THOP1: variants seen among roughly 807,000 people sequenced by gnomAD.
THOP1 encodes thimet oligopeptidase.
THOP1 carries 49 observed loss-of-function variants against 71.8 expected under a neutral mutation model. That is an observed-to-expected ratio of 0.68 (90% CI 0.54 to 0.87). The LOEUF (loss-of-function observed/expected upper bound fraction) is 0.87, where lower values mean the gene tolerates loss of function less well. Among genes scored for constraint, THOP1 ranks in the 40% least tolerant of loss-of-function variants. THOP1 has a pLI of 0.00. For synonymous variants in THOP1, 426 were observed against 421.5 expected (o/e 1.01, Z -0.13); for missense variants, 843 against 975.6 (o/e 0.86, Z 1.81).
chr19:2,809,507 C>T (rs933889951), intron 9 of THOP1: 13 of 152,268 alleles, frequency 8.5e-5, no homozygotes, highest in African/African-American at 1.4e-4. Flanking sequence ...TCAGGGGCGC[C>T]GCAGTGCTGG....
At chr19:2,807,365 G>A (rs1200171208) in intron 7 of THOP1, 77 bp from the exon 8 acceptor site, 20 of 1,479,112 alleles carry the variant, frequency 1.4e-5, no homozygotes, top group Non-Finnish European at 1.5e-5. Context: ...TGACGAAGTC[G>A]CGGCCGCGGG....
rs1431181247 is a variant in THOP1, at chr19:2,790,472, A to T, written c.68A>T (p.Asp23Val). The T allele has an allele frequency of 6.2e-7, 1 of 1,602,180 alleles. No individual in the cohort carries two copies. Among genetic ancestry groups the T allele is most frequent in the Admixed American group, 1.7e-5 (1 of 57,976 alleles). Residue 23 changes from aspartate to valine, a missense_variant, in exon 2 of 13, where the codon GAC becomes GTC. Physicochemically the swap from Asp to Val is radical, Grantham distance 152. Transcript: ENST00000307741. ...GCATCTCCGTGCTCTGTGGTAAACG[A>T]CCTGCGGTGGGACCTGAGTGCCCAG... ...DAASPCSVVN[D>V]LRWDLSAQQI...
intron 11 of THOP1, 32 bp downstream of exon 11, chr19:2,810,800 A>G: frequency 6.3e-7 from 1 of 1,588,144 alleles, no homozygotes; most frequent in Non-Finnish European, 8.5e-7. Flanking sequence ...ACACCCTGGA[A>G]TTTGGAGCCT....
At chr19:2,803,281 C>T (rs1040214731) in intron 5 of THOP1, among the ~76,000 whole-genome samples, 2 of 152,220 alleles carry the variant, frequency 1.3e-5, no homozygotes, top group Non-Finnish European at 2.9e-5. Flanking sequence ...TGGACACACA[C>T]ACTCTTCTAT....
chr19:2,785,731 C>T (rs1202834176), intron 1 of THOP1, 53 bp downstream of exon 1: 3 of 1,339,398 alleles, frequency 2.2e-6, no homozygotes, highest in East Asian at 3.0e-5. Context: ...CCTCGCTCCT[C>T]CCGGGGTCGC....
At chr19:2,794,665 G>A (rs1915968525) in intron 2 of THOP1, 99 bp from the exon 3 acceptor site, 1 of 1,428,470 alleles carries the variant, frequency 7.0e-7, no homozygotes, top group Non-Finnish European at 9.6e-7. Flanking sequence ...GTTCACGGGG[G>A]GATTCAGCAG....
intron 4 of THOP1, among the ~76,000 whole-genome samples, chr19:2,799,000 T>C (rs1009383861): frequency 5.9e-5 from 9 of 152,216 alleles, no homozygotes. Context: ...TTTAGCTGTT[T>C]CTAAAACCAG....
chr19:2,792,686 G>A (rs571777069), intron 2 of THOP1, among the ~76,000 whole-genome samples: 9 of 149,386 alleles, frequency 6.0e-5, no homozygotes, highest in African/African-American at 2.0e-4. Context: ...AATGAGTCTC[G>A]CTCTGTCACC....
At position 2,795,921 on chromosome 19, in the gene THOP1, A is replaced by C. The variant is rs970485441; in HGVS notation, c.379-160A>C. The C allele has an allele frequency of 2.8e-5, 16 of 581,634 alleles. No individual in the cohort carries two copies. In the East Asian group the frequency reaches 4.6e-4, roughly 17 times the overall value. The allele number at this position is 581,634 out of a possible 1,614,324, so 36.0% of individuals were successfully genotyped here. ...CAAAGCGAACGTTTGCACAGGTTTT[A>C]TGTAGAGACAGGTCGTCATTTCTCT... is the stretch of plus-strand genomic sequence containing the variant. On this transcript the variant is annotated intron_variant, in intron 3 of 12. Transcript: ENST00000307741.
intron 9 of THOP1, 111 bp from the exon 10 acceptor site, chr19:2,810,193 C>A: frequency 7.4e-7 from 1 of 1,352,012 alleles, no homozygotes; most frequent in South Asian, 1.4e-5. Context: ...GGGCCCAGCG[C>A]ATCACCTGTG....
rs201138950 is a variant in THOP1, at chr19:2,794,928, G to A, written c.378+16G>A. The A allele has an allele frequency of 2.8e-5, 45 of 1,600,964 alleles. No homozygotes were observed. In the Middle Eastern group the frequency reaches 6.6e-4, roughly 24 times the overall value. On this transcript the variant is annotated intron_variant, in intron 3 of 12. Transcript: ENST00000307741. ...GTGGCTCCAGGTGAGGGGGCCCTGC[G>A]GGGAGTGCAAATAGCCTCCCAAGTA...
intron 5 of THOP1, among the ~76,000 whole-genome samples, chr19:2,802,186 G>A (rs890083655): frequency 3.5e-5 from 5 of 143,140 alleles, no homozygotes; most frequent in African/African-American, 7.8e-5. Flanking sequence ...CTCCAACACC[G>A]CCGTCTCCCG....
intron 8 of THOP1, 34 bp downstream of exon 8, chr19:2,807,842 C>G: frequency 7.0e-7 from 1 of 1,432,608 alleles, no homozygotes; most frequent in Non-Finnish European, 9.1e-7. Flanking sequence ...GGGGCGCACC[C>G]CGGCCCTGGG....
intron 7 of THOP1, 48 bp downstream of exon 7, chr19:2,807,100 C>T (rs1374907111): frequency 3.2e-6 from 5 of 1,569,194 alleles, no homozygotes; most frequent in Non-Finnish European, 4.3e-6. Context: ...GGAAGGTTCT[C>T]AGGGTCACCC....
Position 2,796,110 on chromosome 19 carries a change from C to G in THOP1, c.408C>G (p.Pro136=), listed in dbSNP as rs371164634. 6.2e-7 allele frequency: 1 copy of G among 1,613,708 alleles called. No homozygotes were observed. The highest frequency in any genetic ancestry group is 1.3e-5 in the African/African-American group (1 of 74,914). The part of the protein sequence containing the change: ...QEKVQKDSLR[P]EAARYLERLI... Reference sequence around the variant, plus strand: ...AAGTTCAGAAGGACTCACTGAGGCCCGAGGCTGCGCGGTACCTGGAGCGGC... The same window carrying G: ...AAGTTCAGAAGGACTCACTGAGGCCGGAGGCTGCGCGGTACCTGGAGCGGC... The change falls in exon 4 of 13, where the codon CCC becomes CCG. Residue 136 remains proline (P), a synonymous_variant. Transcript: ENST00000307741.
chr19:2,798,639 T>C (rs1204913799), intron 4 of THOP1, among the ~76,000 whole-genome samples: 1 of 152,246 alleles, frequency 6.6e-6, no homozygotes, highest in Admixed American at 6.5e-5. Flanking sequence ...ATGGGGCCTG[T>C]TCCCAGGAGA....
intron 3 of THOP1, among the ~76,000 whole-genome samples, chr19:2,795,603 AC>A (rs1294539326): frequency 6.6e-6 from 1 of 152,172 alleles, no homozygotes; most frequent in Non-Finnish European, 1.5e-5. Flanking sequence ...TTAAATACAG[AC>A]AGGGTCTCAC....
chr19:2,811,931 T>TG (rs1916485887), intron 12 of THOP1, 197 bp downstream of exon 12: 1 of 1,302,286 alleles, frequency 7.7e-7, no homozygotes, highest in Non-Finnish European at 1.0e-6. Flanking sequence ...AGCACACCTT[T>TG]GGCCTGGGCC....
Position 2,806,992 on chromosome 19 carries a change from G to C in THOP1, c.826G>C (p.Ala276Pro). 6.2e-7 allele frequency: 1 copy of C among 1,613,012 alleles called. No homozygotes were observed. The change falls in exon 7 of 13, where the codon GCC becomes CCC. Residue 276 changes from alanine to proline, a missense_variant. Coordinates refer to ENST00000307741, the MANE Select transcript of THOP1 (RefSeq NM_003249.5). The stretch of plus-strand genomic sequence containing the variant: ...CCGCCTGCTGGGGTTCCACACGCAC[G>C]CCGACTATGTCCTGGAGATGAACAT... ...KSRLLGFHTH[A>P]DYVLEMNMAK...
Sources: gnomAD v4.1 joint callset for allele counts (sites outside exome capture counted in the v4.1 genomes callset) on GRCh38, gnomAD v4.1.1 for gene constraint, MANE v1.5 for transcripts, NCBI Gene and HGNC (gene_info 2026-07-23, HGNC 2026-07-21) for gene names.